SGCG: variants seen among roughly 807,000 people sequenced by gnomAD.
SGCG encodes gamma-sarcoglycan.
Under a neutral mutation model 29.3 loss-of-function variants are expected in SGCG, and 26 were observed. That is an observed-to-expected ratio of 0.89 (90% CI 0.65 to 1.23). The LOEUF (loss-of-function observed/expected upper bound fraction) is 1.23, where lower values mean the gene tolerates loss of function less well. Among genes scored for constraint, SGCG ranks in the 50% most tolerant of loss-of-function variants. SGCG has a pLI of 0.00. For missense variants in SGCG, 353 were observed against 356.0 expected, an observed-to-expected ratio of 0.99 and a Z score of 0.07; for synonymous variants, 145 against 129.7, an observed-to-expected ratio of 1.12 and a Z score of -0.80.
intron 1 of SGCG, among the ~76,000 whole-genome samples, chr13:23,190,143 TGTATGA>T (rs1210756567): frequency 6.6e-6 from 1 of 152,008 alleles, no homozygotes; most frequent in Non-Finnish European, 1.5e-5. Context: ...AAAATATTTT[TGTATGA>T]GTATATGTGG....
chr13:23,316,755 A>T (rs542350010), intron 6 of SGCG, among the ~76,000 whole-genome samples: 79 of 152,294 alleles, frequency 5.2e-4, no homozygotes, highest in African/African-American at 1.8e-3. Flanking sequence ...TCTTAGTTCC[A>T]GAGGGAGGAC....
intron 3 of SGCG, among the ~76,000 whole-genome samples, chr13:23,247,936 A>T (rs1879778496): frequency 6.9e-6 from 1 of 145,020 alleles, no homozygotes; most frequent in Non-Finnish European, 1.5e-5. Flanking sequence ...CTGGCAACAG[A>T]GTGAAACTCC....
chr13:23,309,927 A>G (rs1882499170), intron 6 of SGCG, among the ~76,000 whole-genome samples: 1 of 152,052 alleles, frequency 6.6e-6, no homozygotes, highest in African/African-American at 2.4e-5. Flanking sequence ...ATGAGCATAT[A>G]ATTATTCATA....
At chr13:23,202,373 T>TG (rs2137499071) in intron 1 of SGCG, among the ~76,000 whole-genome samples, 1 of 152,274 alleles carries the variant, frequency 6.6e-6, no homozygotes, top group Admixed American at 6.5e-5. Context: ...GCATTCAGAG[T>TG]AACCTAAACT....
chr13:23,210,680 G>C (rs1878164108), intron 2 of SGCG, among the ~76,000 whole-genome samples: 1 of 152,144 alleles, frequency 6.6e-6, no homozygotes, highest in African/African-American at 2.4e-5. Flanking sequence ...GACAGAGCAA[G>C]ACCCCGTCTC....
chr13:23,197,384 G>A (rs370666104), intron 1 of SGCG, among the ~76,000 whole-genome samples: 3 of 152,182 alleles, frequency 2.0e-5, no homozygotes, highest in Non-Finnish European at 4.4e-5. Context: ...TTAGAGCTAG[G>A]TGACATGGCT....
intron 1 of SGCG, among the ~76,000 whole-genome samples, chr13:23,185,699 AG>A (rs1436438091): frequency 1.3e-5 from 2 of 152,224 alleles, no homozygotes; most frequent in Non-Finnish European, 2.9e-5. Context: ...GGAGGCCTGC[AG>A]GGCTGTTCCC....
intron 4 of SGCG, among the ~76,000 whole-genome samples, chr13:23,278,408 A>G (rs1593215452): frequency 6.7e-6 from 1 of 150,318 alleles, no homozygotes; most frequent in Non-Finnish European, 1.5e-5. Context: ...GCACCATTGC[A>G]CTCCAGCCTG....
intron 2 of SGCG, among the ~76,000 whole-genome samples, chr13:23,229,390 AT>A (rs1879023206): frequency 6.6e-6 from 1 of 152,192 alleles, no homozygotes; most frequent in Admixed American, 6.5e-5. Flanking sequence ...GCTTTCCACA[AT>A]GCTTGAACTA....
At position 23,240,936 on chromosome 13, in the gene SGCG, G is replaced by A. The variant is rs75949657; in HGVS notation, c.297+6224G>A. ...TGGGAGGCCGAGGCAGGCGGATCAC[G>A]AGGTCAGGAGATCGAGACCATCCTA... On this transcript the variant is annotated intron_variant, in intron 3 of 7. Coordinates refer to ENST00000218867, the MANE Select transcript of SGCG (RefSeq NM_000231.3). Among the ~76,000 whole-genome samples, 1,312 of 151,980 alleles carry A rather than the reference G, an allele frequency of 8.6e-3. 31 individuals carry two copies. The East Asian group carries it at 0.11, about 12-fold the overall frequency.
At chr13:23,217,911 C>T (rs141698726) in intron 2 of SGCG, among the ~76,000 whole-genome samples, 1 of 152,070 alleles carries the variant, frequency 6.6e-6, no homozygotes, top group East Asian at 1.9e-4. Context: ...GTATACTTCC[C>T]TAACATGATA....
chr13:23,324,106 T>C (rs1215167208), intron 7 of SGCG, among the ~76,000 whole-genome samples: 1 of 152,206 alleles, frequency 6.6e-6, no homozygotes, highest in African/African-American at 2.4e-5. Context: ...GGGCCACATT[T>C]CTCAGCTGCA....
Position 23,201,157 on chromosome 13 carries a change from G to T in SGCG, c.1-2538G>T, listed in dbSNP as rs367608398. Among the ~76,000 whole-genome samples the T allele has an allele frequency of 1.0e-4, 14 of 140,022 alleles. 1 individual carries two copies. Among genetic ancestry groups the T allele is most frequent in the African/African-American group, 3.6e-4 (14 of 39,050 alleles). 91.9% of individuals were successfully genotyped at this position (140,022 alleles called of 152,430 possible). A position where few individuals can be genotyped will look rare whatever the true frequency, so the allele number is the denominator to read the frequency against. On this transcript the variant is annotated intron_variant, in intron 1 of 7. Transcript: ENST00000218867. Reference sequence around the variant, plus strand: ...ACCCAGGTGAAAGACGATGGCAGAGGTGCTGATTAGGGGACCTAAGAGCTG... The same window carrying T: ...ACCCAGGTGAAAGACGATGGCAGAGTTGCTGATTAGGGGACCTAAGAGCTG...
At position 23,287,869 on chromosome 13, in the gene SGCG, C is replaced by T. The variant is rs148089327; in HGVS notation, c.506-7546C>T. Among the ~76,000 whole-genome samples the T allele has an allele frequency of 7.1e-4, 108 of 152,200 alleles. 4 individuals carry two copies. In the East Asian group the frequency reaches 0.02, roughly 29 times the overall value. On this transcript the variant is annotated intron_variant, in intron 5 of 7. Transcript: ENST00000218867. ...TCCTGGGTTCAAGCAATTCCCCTGC[C>T]TCATCCTCCCGAGTAGCTGAGAATA...
intron 3 of SGCG, among the ~76,000 whole-genome samples, chr13:23,248,221 A>C (rs2137565063): frequency 6.6e-6 from 1 of 152,232 alleles, no homozygotes; most frequent in Non-Finnish European, 1.5e-5. Context: ...AAATTTTTTT[A>C]ATTTTAGATG....
chr13:23,242,536 G>T (rs1277668904), intron 3 of SGCG, among the ~76,000 whole-genome samples: 2 of 152,278 alleles, frequency 1.3e-5, no homozygotes, highest in East Asian at 3.9e-4. Context: ...TCCCTAAGGT[G>T]TAGTGTTGAC....
At position 23,324,484 on chromosome 13, in the gene SGCG, CCTGT is replaced by C. The variant is rs1361450354; in HGVS notation, c.824_827del (p.Ser275TrpfsTer4). 3 of 1,613,756 alleles carry C rather than the reference CCTGT, an allele frequency of 1.9e-6. No homozygotes were observed. Among genetic ancestry groups the C allele is most frequent in the Admixed American group, 1.7e-5 (1 of 60,014 alleles). Reference sequence around the variant, plus strand: ...GTGTGTGTCCAGATGGGAAGCTGTACCTGTCTGTGGCCGGTGTGAGCACCACGTG... The same window carrying C: ...GTGTGTGTCCAGATGGGAAGCTGTACCTGTGGCCGGTGTGAGCACCACGTG... On this transcript the variant is annotated frameshift_variant, in exon 8 of 8. Coordinates refer to ENST00000218867, the MANE Select transcript of SGCG (RefSeq NM_000231.3). LOFTEE classifies it high-confidence loss of function.
intron 2 of SGCG, among the ~76,000 whole-genome samples, chr13:23,213,764 T>C (rs1015159598): frequency 1.3e-5 from 2 of 152,218 alleles, no homozygotes; most frequent in African/African-American, 4.8e-5. Flanking sequence ...TATCTTAAGA[T>C]ATCTTTGTTC....
chr13:23,294,344 A>G (rs1040261858), intron 5 of SGCG, among the ~76,000 whole-genome samples: 36 of 152,238 alleles, frequency 2.4e-4, no homozygotes, highest in Admixed American at 1.3e-4. Context: ...ATAATGTGAA[A>G]GATACGTTTG....
Sources: gnomAD v4.1 joint callset for allele counts (sites outside exome capture counted in the v4.1 genomes callset) on GRCh38, gnomAD v4.1.1 for gene constraint, MANE v1.5 for transcripts, NCBI Gene and HGNC (gene_info 2026-07-23, HGNC 2026-07-21) for gene names.